Variants in SMARCC1 observed in about 807,000 individuals in gnomAD.
SMARCC1 encodes the protein SWI/SNF complex subunit SMARCC1.
Under a neutral mutation model 147.4 loss-of-function variants are expected in SMARCC1, and 43 were observed. The ratio of observed to expected loss-of-function variants is 0.29; its 90% CI spans 0.23 to 0.38. The LOEUF (loss-of-function observed/expected upper bound fraction) is 0.38. Among genes scored for constraint, SMARCC1 ranks in the 10% least tolerant of loss-of-function variants. SMARCC1 has a pLI of 1.00. For synonymous variants in SMARCC1, 495 were observed against 484.4 expected, an observed-to-expected ratio of 1.02 and a Z score of -0.29; for missense variants, 1,119 against 1,381.1, an observed-to-expected ratio of 0.81 and a Z score of 3.01.
chr3:47,639,431 C>G (rs1415067063), intron 21 of SMARCC1, among the ~76,000 whole-genome samples: 1 of 151,996 alleles, frequency 6.6e-6, no homozygotes, highest in Non-Finnish European at 1.5e-5. Flanking sequence ...ACTGTGTAAG[C>G]AGCCAGGCAT....
intron 2 of SMARCC1, among the ~76,000 whole-genome samples, chr3:47,749,947 TGGCAGGCGC>T (rs2034610864): frequency 6.6e-6 from 1 of 151,184 alleles, no homozygotes; most frequent in Non-Finnish European, 1.5e-5. Flanking sequence ...CCGGGCGTGG[TGGCAGGCGC>T]CTGTAGTCCC....
intron 10 of SMARCC1, among the ~76,000 whole-genome samples, chr3:47,703,230 G>C (rs556334571): frequency 6.6e-6 from 1 of 152,078 alleles, no homozygotes; most frequent in African/African-American, 2.4e-5. Context: ...CATCACGCCC[G>C]GCCTCCAAAA....
chr3:47,677,312 A>T (rs2033586686), intron 16 of SMARCC1, among the ~76,000 whole-genome samples: 1 of 150,762 alleles, frequency 6.6e-6, no homozygotes, highest in Non-Finnish European at 1.5e-5. Flanking sequence ...TGTTGGCCAG[A>T]CTGGTCTCGA....
intron 11 of SMARCC1, 123 bp from the exon 12 acceptor site, chr3:47,693,423 A>G (rs1329836742): frequency 3.2e-6 from 2 of 625,446 alleles, no homozygotes; most frequent in Non-Finnish European, 5.6e-6. Flanking sequence ...ACCATTCAAT[A>G]CACTTTCAGG....
At chr3:47,701,534 G>T in intron 10 of SMARCC1, 132 bp from the exon 11 acceptor site, 1 of 843,828 alleles carries the variant, frequency 1.2e-6, no homozygotes, top group Non-Finnish European at 1.9e-6. Context: ...CAAACAGTAG[G>T]TCGGTCGCGG....
intron 4 of SMARCC1, 113 bp from the exon 5 acceptor site, chr3:47,736,239 G>C: frequency 1.7e-6 from 1 of 602,174 alleles, no homozygotes; most frequent in Non-Finnish European, 2.9e-6. Context: ...AAAAAATATT[G>C]AGAAGCATGA....
chr3:47,592,988 TTTTTTA>T (rs1428979219), intron 26 of SMARCC1, among the ~76,000 whole-genome samples: 1 of 151,766 alleles, frequency 6.6e-6, no homozygotes, highest in Non-Finnish European at 1.5e-5. Context: ...CCTGGCTCTT[TTTTTTA>T]TTTTTTATTT....
rs979948078 is a variant in SMARCC1 at position 47,695,249 on chromosome 3, G to A, written c.1166-1949C>T. 5.9e-5 allele frequency among the ~76,000 whole-genome samples: 9 copies of A among 152,270 alleles called. No individual in the cohort carries two copies. The South Asian group carries it at 1.0e-3, about 18-fold the overall frequency. On this transcript the variant is annotated intron_variant, in intron 11 of 27. Transcript: ENST00000254480. The stretch of plus-strand genomic sequence containing the variant: ...CCAGGGATGCTGAGGCACAAGAAAC[G>A]CTTGAGCCTAGGAGGTGAAGTCTGC...
In SMARCC1 at chr3:47,673,408, G is replaced by T. The variant is rs957935329; in HGVS notation, c.1839+2067C>A. Reference sequence around the variant, plus strand: ...CTCAAAAAAAAAAGGGTGGGGGGGGGGCAGGCCAGTGGCTCAGGCCTGTAA... The same window carrying T: ...CTCAAAAAAAAAAGGGTGGGGGGGGTGCAGGCCAGTGGCTCAGGCCTGTAA... On this transcript the variant is annotated intron_variant, in intron 18 of 27. Coordinates refer to ENST00000254480, the MANE Select transcript of SMARCC1 (RefSeq NM_003074.4). 1.4e-4 allele frequency among the ~76,000 whole-genome samples: 15 copies of T among 110,946 alleles called. 3 individuals are homozygous for T. Among genetic ancestry groups the T allele is most frequent in the African/African-American group, 3.3e-4 (11 of 33,540 alleles). The allele number at this position is 110,946 out of a possible 152,430, so 72.8% of individuals were successfully genotyped here.
Position 47,606,398 on chromosome 3 carries a change from G to A in SMARCC1, c.3043+3668C>T, listed in dbSNP as rs375284570. Among the ~76,000 whole-genome samples the A allele has an allele frequency of 3.3e-5, 5 of 152,300 alleles. No homozygotes were observed. The East Asian group carries it at 9.7e-4, about 29-fold the overall frequency. On this transcript the variant is annotated intron_variant, in intron 26 of 27. Transcript: ENST00000254480. Reference sequence around the variant, plus strand: ...CTCTACCATGCAGCAAAGCTATGCGGCCTTGCCATGCATCAGTTCTTCAAC... The same window carrying A: ...CTCTACCATGCAGCAAAGCTATGCGACCTTGCCATGCATCAGTTCTTCAAC...
In SMARCC1 at chr3:47,675,588, C is replaced by T; in HGVS notation, c.1726G>A (p.Val576Ile). Residue 576 changes from valine to isoleucine, a missense_variant and splice_region_variant, in exon 18 of 28, where the codon GTT becomes ATT. Around this residue, in one of 6 missense-constraint regions of SMARCC1, gnomAD observed 178 missense variants for 264.6 expected, o/e 0.67. Transcript: ENST00000254480. ...TTTAGCATCTGTTGAGCAGCAGGAA[C>T]CTGAGTCAAATAAATGATAAATGGC... ...LVPLHLRSPQ[V>I]PAAQQMLNFP... The T allele has an allele frequency of 6.6e-7, 1 of 1,525,122 alleles. No individual in the cohort carries two copies. Among genetic ancestry groups the T allele is most frequent in the Non-Finnish European group, 9.1e-7 (1 of 1,099,360 alleles). The allele number at this position is 1,525,122 out of a possible 1,614,324, so 94.5% of individuals were successfully genotyped here.
At chr3:47,731,493 G>A (rs560504526) in intron 5 of SMARCC1, among the ~76,000 whole-genome samples, 88 of 152,120 alleles carry the variant, frequency 5.8e-4, no homozygotes, top group Non-Finnish European at 1.1e-3. Flanking sequence ...TGATGAATCT[G>A]TTCCAGAAGA....
chr3:47,781,891 A>G lies in SMARCC1; in HGVS notation c.-94T>C, dbSNP rs1189200753. Reference sequence around the variant, plus strand: ...GCGCACCCCCGCGCGCGTAGCCGCCACTGCCGCTTCCCGGCCCCGCCCAGC... The same window carrying G: ...GCGCACCCCCGCGCGCGTAGCCGCCGCTGCCGCTTCCCGGCCCCGCCCAGC... On this transcript the variant is annotated 5_prime_UTR_variant, in exon 1 of 28. Transcript: ENST00000254480. 7 of 870,528 alleles carry G rather than the reference A, an allele frequency of 8.0e-6. No homozygotes were observed. Among genetic ancestry groups the G allele is most frequent in the African/African-American group, 1.8e-5 (1 of 56,082 alleles). 53.9% of individuals were successfully genotyped at this position (870,528 alleles called of 1,614,324 possible).
chr3:47,665,838 C>A lies in SMARCC1; in HGVS notation c.1900-3246G>T, dbSNP rs375774395. On this transcript the variant is annotated intron_variant, in intron 19 of 27. Coordinates refer to ENST00000254480, the MANE Select transcript of SMARCC1 (RefSeq NM_003074.4). Reference sequence around the variant, plus strand: ...TCTTCATCATTACTTAACCTGGATACACTCACTCACTCTCTTTTTTTTTTT... The same window carrying A: ...TCTTCATCATTACTTAACCTGGATAAACTCACTCACTCTCTTTTTTTTTTT... 7.1e-4 allele frequency among the ~76,000 whole-genome samples: 108 copies of A among 151,876 alleles called. 1 individual carries two copies. The highest frequency in any genetic ancestry group is 2.5e-3 in the African/African-American group (104 of 41,394).
chr3:47,753,197 C>T (rs1038912236), intron 2 of SMARCC1, among the ~76,000 whole-genome samples: 1 of 151,504 alleles, frequency 6.6e-6, no homozygotes, highest in African/African-American at 2.4e-5. Flanking sequence ...TGGTGGGACA[C>T]GTCTGTAGTC....
chr3:47,727,938 C>T (rs572957770), intron 6 of SMARCC1, among the ~76,000 whole-genome samples: 1 of 152,128 alleles, frequency 6.6e-6, no homozygotes, highest in African/African-American at 2.4e-5. Flanking sequence ...GGTTGGAGTG[C>T]AATGGCTACG....
chr3:47,672,881 C>A (rs1047417495), intron 18 of SMARCC1, among the ~76,000 whole-genome samples: 1 of 151,996 alleles, frequency 6.6e-6, no homozygotes, highest in African/African-American at 2.4e-5. Flanking sequence ...TGGGTTCAAG[C>A]GACTCTCGAG....
chr3:47,605,174 A>T (rs1013935979), intron 26 of SMARCC1, among the ~76,000 whole-genome samples: 3 of 152,266 alleles, frequency 2.0e-5, no homozygotes, highest in Admixed American at 1.3e-4. Flanking sequence ...GTTTGGCAGC[A>T]TCTATTAATC....
At chr3:47,726,949 C>T (rs2034307083) in intron 6 of SMARCC1, among the ~76,000 whole-genome samples, 1 of 152,004 alleles carries the variant, frequency 6.6e-6, no homozygotes, top group South Asian at 2.1e-4. Context: ...GTGACTCACG[C>T]CTCTAATACC....
Sources: gnomAD v4.1 joint callset for allele counts (sites outside exome capture counted in the v4.1 genomes callset) on GRCh38, gnomAD v4.1.1 for gene constraint, gnomAD v4.1.1 regional missense constraint, MANE v1.5 for transcripts, NCBI Gene and HGNC (gene_info 2026-07-23, HGNC 2026-07-21) for gene names.